Variants in GLI3 observed in about 807,000 individuals in gnomAD.
GLI3 encodes GLI family zinc finger 3, also known as transcription activator GLI3.
In GLI3, 20 loss-of-function variants were observed where a neutral mutation model predicts 100.8. The ratio of observed to expected loss-of-function variants is 0.20; its 90% CI spans 0.14 to 0.29. The LOEUF (loss-of-function observed/expected upper bound fraction) is 0.29, where lower values mean the gene tolerates loss of function less well. GLI3 is among the 10% of genes least tolerant of loss of function. The pLI is 1.00. For missense variants in GLI3, 2,040 were observed against 2,128.5 expected (o/e 0.96, Z 0.82); for synonymous variants, 938 against 860.5 (o/e 1.09, Z -1.58).
chr7:42,237,215 C>A (rs1788825029), upstream of GLI3, among the ~76,000 whole-genome samples: 1 of 150,284 alleles, frequency 6.7e-6, no homozygotes, highest in African/African-American at 2.4e-5. Context: ...AGTGTGCGAG[C>A]GCGCCGGTGG....
At chr7:42,254,185 C>T (rs906655018) in intron 1 of GLI3, among the ~76,000 whole-genome samples, 3 of 146,562 alleles carry the variant, frequency 2.0e-5, no homozygotes, top group African/African-American at 7.5e-5. Context: ...TGCCACTGCA[C>T]TCCAGCCTGG....
intron 10 of GLI3, among the ~76,000 whole-genome samples, chr7:41,989,705 T>C (rs915421783): frequency 8.5e-5 from 13 of 152,098 alleles, no homozygotes; most frequent in African/African-American, 2.9e-4. Flanking sequence ...TCTACACTAA[T>C]AGCAATTTTA....
Position 41,978,659 on chromosome 7 carries a change from G to A in GLI3, c.1587C>T (p.Ala529=), listed in dbSNP as rs1383387790. 1 of 1,613,818 alleles carries A rather than the reference G, an allele frequency of 6.2e-7. No homozygotes were observed. The highest frequency in any genetic ancestry group is 1.3e-5 in the African/African-American group (1 of 74,878). The stretch of plus-strand genomic sequence containing the variant: ...TCATATGCACTACCAACATATACTG[G>A]GCTTTGAAGGGTTTCTGCTCTCTTG... The part of the protein sequence containing the change: ...DCSREQKPFK[A]QYMLVVHMRR... Residue 529 remains alanine, a synonymous_variant, in exon 11 of 15, where the codon GCC becomes GCT. Transcript: ENST00000395925.
chr7:42,246,580 T>C (rs79055581), intron 1 of GLI3, among the ~76,000 whole-genome samples: 5,754 of 152,122 alleles, frequency 0.038, 219 homozygotes, highest in African/African-American at 0.097. Flanking sequence ...TGAAGCTGTA[T>C]TGTTTTTAAA....
In GLI3 at chr7:42,223,154, C is replaced by G. The variant is rs201887880; in HGVS notation, c.100G>C (p.Val34Leu). The G allele has an allele frequency of 6.2e-7, 1 of 1,613,900 alleles. No homozygotes were observed. The highest frequency in any genetic ancestry group is 2.2e-5 in the East Asian group (1 of 44,874). Reference protein sequence around the residue: ...STRTDVSEKAVASSTTSNEDE... With the variant: ...STRTDVSEKALASSTTSNEDE... ...CCATTAGAAGTGGTGCTGGAGGCAA[C>G]GGCTTTCTCGCTCACATCTGTTCGA... Residue 34 changes from valine to leucine, a missense_variant, in exon 2 of 15, where the codon GTT (valine) becomes CTT (leucine). By Grantham distance (32) the Val-to-Leu change is conservative (BLOSUM62 1). This residue lies in a region of GLI3 where 603 missense variants were observed against 690.9 expected (regional missense o/e 0.87). Coordinates refer to ENST00000395925, the MANE Select transcript of GLI3 (RefSeq NM_000168.6).
chr7:42,056,982 CAAAAA>C (rs11322222), intron 4 of GLI3, among the ~76,000 whole-genome samples: 1 of 102,748 alleles, frequency 9.7e-6, no homozygotes. Context: ...AACTCCGTCT[CAAAAA>C]AAAAAAAAAA....
At chr7:42,103,710 A>C (rs1785514403) in intron 3 of GLI3, among the ~76,000 whole-genome samples, 1 of 150,600 alleles carries the variant, frequency 6.6e-6, no homozygotes, top group Non-Finnish European at 1.5e-5. Flanking sequence ...AGCTGCGAAC[A>C]CTGAGGCATA....
At chr7:42,160,870 A>G (rs1787116276) in intron 2 of GLI3, among the ~76,000 whole-genome samples, 1 of 152,228 alleles carries the variant, frequency 6.6e-6, no homozygotes, top group Admixed American at 6.5e-5. Flanking sequence ...CTGTTTTACA[A>G]CCAGAAAAAA....
chr7:42,108,133 G>C (rs1785619592), intron 3 of GLI3, among the ~76,000 whole-genome samples: 1 of 152,182 alleles, frequency 6.6e-6, no homozygotes, highest in Non-Finnish European at 1.5e-5. Flanking sequence ...CAGATGAAAA[G>C]TGAAAACTTG....
At chr7:42,173,656 C>T (rs1210290819) in intron 2 of GLI3, among the ~76,000 whole-genome samples, 1 of 152,124 alleles carries the variant, frequency 6.6e-6, no homozygotes, top group Admixed American at 6.5e-5. Context: ...AAAAGACTTT[C>T]AGAACCTCTC....
intron 3 of GLI3, among the ~76,000 whole-genome samples, chr7:42,091,753 G>C (rs990829048): frequency 2.0e-5 from 3 of 152,198 alleles, no homozygotes; most frequent in African/African-American, 7.2e-5. Context: ...ATATCCGCTC[G>C]CTCGGCTCAG....
chr7:42,146,208 C>T (rs573508075), intron 3 of GLI3, among the ~76,000 whole-genome samples: 186 of 152,194 alleles, frequency 1.2e-3, no homozygotes, highest in Non-Finnish European at 2.1e-3. Context: ...GAGAATGTAA[C>T]GAATAATCCA....
At chr7:42,090,661 G>A (rs895323845) in intron 3 of GLI3, among the ~76,000 whole-genome samples, 3 of 152,152 alleles carry the variant, frequency 2.0e-5, no homozygotes, top group Admixed American at 6.5e-5. Flanking sequence ...CTGTCCCTAA[G>A]TAAGGTCTGT....
At chr7:42,147,831 G>A (rs1280793438) in intron 3 of GLI3, among the ~76,000 whole-genome samples, 3 of 152,070 alleles carry the variant, frequency 2.0e-5, no homozygotes, top group Admixed American at 6.5e-5. Context: ...TGGGAATTGC[G>A]GCTGTTGAGC....
At chr7:42,194,746 T>C (rs557877720) in intron 2 of GLI3, among the ~76,000 whole-genome samples, 257 of 130,212 alleles carry the variant, frequency 2.0e-3, no homozygotes, top group Non-Finnish European at 3.4e-3. Context: ...TGCATCAACT[T>C]CTCTCTCTGT....
In GLI3 at chr7:41,964,300, C is replaced by T; in HGVS notation, c.*30G>A. ...TAATCTCTTCAACTCCTATTGATTT[C>T]CGTTGGTTGCAGTCTTTTTTTCCTA... On this transcript the variant is annotated 3_prime_UTR_variant, in exon 15 of 15. Transcript: ENST00000395925. 1 of 1,604,948 alleles carries T rather than the reference C, an allele frequency of 6.2e-7. No individual in the cohort carries two copies.
chr7:42,186,300 G>A (rs904080831), intron 2 of GLI3, among the ~76,000 whole-genome samples: 1 of 152,086 alleles, frequency 6.6e-6, no homozygotes, highest in South Asian at 2.1e-4. Context: ...TAGGTACTGC[G>A]TTTCACCCTA....
chr7:42,040,338 G>A, intron 6 of GLI3, 99 bp from the exon 7 acceptor site: 1 of 906,644 alleles, frequency 1.1e-6, no homozygotes, highest in Non-Finnish European at 1.8e-6. Context: ...AGGATAAGAA[G>A]CTGGCAACTT....
At chr7:42,079,285 A>C (rs1156903496) in intron 3 of GLI3, among the ~76,000 whole-genome samples, 1 of 152,192 alleles carries the variant, frequency 6.6e-6, no homozygotes, top group Non-Finnish European at 1.5e-5. Context: ...TCTCTCATTT[A>C]ACCATTTTCA....
Sources: allele counts gnomAD v4.1 joint callset (sites outside exome capture counted in the v4.1 genomes callset), GRCh38; gene constraint gnomAD v4.1.1; regional missense constraint gnomAD v4.1.1; transcripts MANE v1.5; gene names NCBI Gene and HGNC (gene_info 2026-07-23, HGNC 2026-07-21).